KCTD1: variants seen among roughly 807,000 people sequenced by gnomAD.
The protein encoded by KCTD1 is potassium channel tetramerization domain containing 1.
KCTD1 carries 24 observed loss-of-function variants against 66.0 expected under a neutral mutation model. The observed-to-expected ratio is 0.36, with a 90% CI of 0.26 to 0.51. KCTD1 has a LOEUF of 0.51. Among genes scored for constraint, KCTD1 ranks in the 20% least tolerant of loss-of-function variants. KCTD1 has a pLI of 0.95. For synonymous variants in KCTD1, 511 were observed against 517.2 expected, an observed-to-expected ratio of 0.99 and a Z score of 0.16; for missense variants, 943 against 1,205.2, an observed-to-expected ratio of 0.78 and a Z score of 3.22.
At chr18:26,535,971 C>CA (rs36119174) in intron 1 of KCTD1, among the ~76,000 whole-genome samples, 12 of 122,798 alleles carry the variant, frequency 9.8e-5, no homozygotes, top group African/African-American at 3.7e-4. Context: ...GTGATTCCTC[C>CA]AAAAAAAAAA....
At chr18:26,610,400 C>T (rs750568252) in intron 1 of KCTD1, among the ~76,000 whole-genome samples, 2 of 152,076 alleles carry the variant, frequency 1.3e-5, no homozygotes, top group Non-Finnish European at 1.5e-5. Flanking sequence ...GTGTGAGACC[C>T]CATCTCTACA....
intron 2 of KCTD1, among the ~76,000 whole-genome samples, chr18:26,481,402 G>T (rs1170313343): frequency 6.6e-6 from 1 of 152,186 alleles, no homozygotes; most frequent in Non-Finnish European, 1.5e-5. Flanking sequence ...AGGGAGAAGG[G>T]TGCGGAAGAT....
At chr18:26,478,754 C>A (rs1981475485) in intron 2 of KCTD1, among the ~76,000 whole-genome samples, 1 of 152,066 alleles carries the variant, frequency 6.6e-6, no homozygotes, top group Non-Finnish European at 1.5e-5. Flanking sequence ...ACTTCTCTGT[C>A]TCCATTTTTT....
At chr18:26,561,116 A>G (rs1408906629) in intron 1 of KCTD1, among the ~76,000 whole-genome samples, 1 of 152,126 alleles carries the variant, frequency 6.6e-6, no homozygotes, top group African/African-American at 2.4e-5. Context: ...GGTCTCCAAG[A>G]CATTTTATTA....
chr18:26,521,583 C>A (rs1237306341), intron 1 of KCTD1, among the ~76,000 whole-genome samples: 1 of 152,190 alleles, frequency 6.6e-6, no homozygotes, highest in Non-Finnish European at 1.5e-5. Context: ...CCTTAAAGAT[C>A]TATCAAGATT....
intron 1 of KCTD1, among the ~76,000 whole-genome samples, chr18:26,607,532 C>T (rs1359391505): frequency 2.0e-5 from 3 of 152,176 alleles, no homozygotes; most frequent in African/African-American, 4.8e-5. Flanking sequence ...CTTTTATTCT[C>T]TTTCTTCCAA....
At chr18:26,497,598 G>C (rs1271255030) in intron 2 of KCTD1, among the ~76,000 whole-genome samples, 1 of 152,184 alleles carries the variant, frequency 6.6e-6, no homozygotes, top group East Asian at 1.9e-4. Flanking sequence ...CCATTAAATT[G>C]GATGTTGCTT....
At chr18:26,510,537 G>C (rs1488206006) in intron 1 of KCTD1, among the ~76,000 whole-genome samples, 1 of 152,162 alleles carries the variant, frequency 6.6e-6, no homozygotes, top group Non-Finnish European at 1.5e-5. Context: ...GCCAGATACA[G>C]AGTGAGTGTC....
chr18:26,623,672 T>A (rs1020879599), intron 1 of KCTD1, among the ~76,000 whole-genome samples: 3 of 152,240 alleles, frequency 2.0e-5, no homozygotes, highest in Non-Finnish European at 4.4e-5. Context: ...CTTAGACAAT[T>A]CTTTATAGCA....
intron 1 of KCTD1, among the ~76,000 whole-genome samples, chr18:26,571,810 A>C (rs1361659938): frequency 6.6e-6 from 1 of 152,186 alleles, no homozygotes; most frequent in Non-Finnish European, 1.5e-5. Flanking sequence ...CATTATTAAA[A>C]AAAGTCACGG....
intron 2 of KCTD1, among the ~76,000 whole-genome samples, chr18:26,478,932 T>A (rs528547124): frequency 1.3e-5 from 2 of 152,302 alleles, no homozygotes; most frequent in South Asian, 4.1e-4. Context: ...AGACTGCAAG[T>A]GCTAAGGCAC....
intron 1 of KCTD1, among the ~76,000 whole-genome samples, chr18:26,602,461 G>A (rs1986919571): frequency 6.6e-6 from 1 of 152,200 alleles, no homozygotes; most frequent in Non-Finnish European, 1.5e-5. Context: ...CATAGAATAA[G>A]TTGGGAATTG....
At position 26,547,682 on chromosome 18, in the gene KCTD1, C is replaced by T. The variant is rs1567989154; in HGVS notation, c.855G>A (p.Thr285=). The T allele has an allele frequency of 1.3e-6, 2 of 1,551,174 alleles. No individual in the cohort carries two copies. Among genetic ancestry groups the T allele is most frequent in the Non-Finnish European group, 1.7e-6 (2 of 1,146,974 alleles). Residue 285 remains threonine (T), a synonymous_variant, in exon 1 of 5, where the codon ACG becomes ACA. Coordinates refer to ENST00000580059, the MANE Select transcript of KCTD1 (RefSeq NM_001142730.3). ...AGPVVQKQAI[T]RADLRKLYTS... The stretch of plus-strand genomic sequence containing the variant: ...TGTACAGCTTGCGCAGGTCGGCGCG[C>T]GTGATGGCTTGCTTCTGCACCACCG...
intron 1 of KCTD1, among the ~76,000 whole-genome samples, chr18:26,541,241 C>A (rs7232842): frequency 6.6e-6 from 1 of 152,114 alleles, no homozygotes; most frequent in South Asian, 2.1e-4. Context: ...GAATCACACA[C>A]CTCAGGATGG....
chr18:26,501,547 C>G (rs1982762821), intron 1 of KCTD1, among the ~76,000 whole-genome samples: 1 of 152,168 alleles, frequency 6.6e-6, no homozygotes. Context: ...ACAATTGACA[C>G]ATGGCAACTA....
At chr18:26,588,917 A>G (rs1341763611) in intron 1 of KCTD1, among the ~76,000 whole-genome samples, 1 of 144,902 alleles carries the variant, frequency 6.9e-6, no homozygotes, top group Non-Finnish European at 1.5e-5. Flanking sequence ...TGGATGAAAT[A>G]TGGAAGAGGT....
chr18:26,546,000 A>C (rs1985193931), intron 1 of KCTD1, among the ~76,000 whole-genome samples: 1 of 152,100 alleles, frequency 6.6e-6, no homozygotes, highest in South Asian at 2.1e-4. Context: ...CCCCCTAGAT[A>C]GTGAGCTCCG....
At chr18:26,540,526 T>C (rs1019186654) in intron 1 of KCTD1, among the ~76,000 whole-genome samples, 1 of 152,120 alleles carries the variant, frequency 6.6e-6, no homozygotes. Context: ...CCTGCTTCCC[T>C]TTCTACCTCC....
intron 1 of KCTD1, among the ~76,000 whole-genome samples, chr18:26,652,183 C>T (rs770300700): frequency 5.3e-5 from 8 of 152,148 alleles, no homozygotes; most frequent in Non-Finnish European, 8.8e-5. Flanking sequence ...ATATGCACTT[C>T]AGTTGGACAT....
Sources: gnomAD v4.1 joint callset for allele counts (sites outside exome capture counted in the v4.1 genomes callset) on GRCh38, gnomAD v4.1.1 for gene constraint, MANE v1.5 for transcripts, NCBI Gene and HGNC (gene_info 2026-07-23, HGNC 2026-07-21) for gene names.